Variants in ASCC1 observed in about 807,000 individuals in gnomAD.
ASCC1 encodes the protein activating signal cointegrator 1 complex subunit 1.
A neutral mutation model predicts 46.6 loss-of-function variants in ASCC1; 35 were observed. That is an observed-to-expected ratio of 0.75 (90% CI 0.57 to 0.99). ASCC1 has a LOEUF of 0.99. Ranked by LOEUF, ASCC1 falls within the 50% of genes least tolerant of loss-of-function variation. The pLI is 0.00. For synonymous variants in ASCC1, 143 were observed against 146.6 expected (o/e 0.98, Z 0.18); for missense variants, 376 against 428.7 (o/e 0.88, Z 1.09).
At chr10:72,178,807 G>C (rs1444668332) in intron 5 of ASCC1, among the ~76,000 whole-genome samples, 4 of 152,040 alleles carry the variant, frequency 2.6e-5, no homozygotes, top group Non-Finnish European at 5.9e-5. Flanking sequence ...ACTATAACCT[G>C]ATATTTCAAC....
At chr10:72,098,696 A>C (rs3780944) in intron 9 of ASCC1, among the ~76,000 whole-genome samples, 13,573 of 152,306 alleles carry the variant, frequency 0.089, 816 homozygotes, top group African/African-American at 0.17. Flanking sequence ...CTGAGGGTTC[A>C]TTAAAGGCTA....
chr10:72,216,342 G>A (rs567128943), upstream of ASCC1: 8 of 173,184 alleles, frequency 4.6e-5, no homozygotes, highest in Admixed American at 1.1e-4. Context: ...TGCGCAGTGG[G>A]ACAGCGCCGA....
In ASCC1 at chr10:72,196,896, T is replaced by C. The variant is rs1235078007; in HGVS notation, c.404A>G (p.His135Arg). 3 of 1,613,522 alleles carry C rather than the reference T, an allele frequency of 1.9e-6. No individual in the cohort carries two copies. Among genetic ancestry groups the C allele is most frequent in the Non-Finnish European group, 1.7e-6 (2 of 1,179,990 alleles). ...DTFRRKQPFT[H>R]FLAFFLNEVE... ...TTCATTGAGGAAAAAGGCAAGGAAG[T>C]GAGTGAAGGGCTGCTTTCTTCGAAA... Residue 135 changes from histidine to arginine, a missense_variant, in exon 5 of 10, where the codon CAC (histidine) becomes CGC (arginine). His to Arg is a conservative substitution (Grantham distance 29). Transcript: ENST00000672957.
intron 2 of ASCC1, among the ~76,000 whole-genome samples, chr10:72,211,194 G>A (rs541890131): frequency 6.6e-6 from 1 of 152,314 alleles, no homozygotes; most frequent in African/African-American, 2.4e-5. Flanking sequence ...ATGAGACAGA[G>A]AGACCACATT....
intron 1 of ASCC1, among the ~76,000 whole-genome samples, chr10:72,215,607 T>TA (rs927229916): frequency 8.7e-5 from 13 of 149,154 alleles, no homozygotes; most frequent in Admixed American, 1.3e-4. Flanking sequence ...AGGAAAAGCT[T>TA]AAAAAAAAAA....
chr10:72,146,869 G>C (rs187808125), intron 7 of ASCC1, among the ~76,000 whole-genome samples: 1 of 151,978 alleles, frequency 6.6e-6, no homozygotes, highest in Non-Finnish European at 1.5e-5. Flanking sequence ...AAAGTTAAGT[G>C]CTTGTATCTT....
intron 9 of ASCC1, among the ~76,000 whole-genome samples, chr10:72,109,986 C>A (rs1002019687): frequency 6.6e-6 from 1 of 152,224 alleles, no homozygotes; most frequent in African/African-American, 2.4e-5. Context: ...CCCAAAGAAG[C>A]CTTGCCACAG....
intron 5 of ASCC1, among the ~76,000 whole-genome samples, chr10:72,188,999 T>C (rs1467881173): frequency 6.6e-6 from 1 of 151,820 alleles, no homozygotes; most frequent in Non-Finnish European, 1.5e-5. Context: ...CAAGCAATCC[T>C]CCAGCCTCGG....
chr10:72,117,505 T>G (rs1843632071), intron 9 of ASCC1, among the ~76,000 whole-genome samples: 1 of 152,226 alleles, frequency 6.6e-6, no homozygotes, highest in Admixed American at 6.5e-5. Context: ...TATTTTCCCC[T>G]CATATTTTCT....
intron 7 of ASCC1, among the ~76,000 whole-genome samples, chr10:72,149,952 G>A (rs573566163): frequency 3.9e-5 from 6 of 152,206 alleles, no homozygotes; most frequent in Admixed American, 1.3e-4. Context: ...TTGGGAGGCC[G>A]AGGCAGGTGG....
intron 9 of ASCC1, among the ~76,000 whole-genome samples, chr10:72,124,177 G>A (rs1844561395): frequency 6.6e-6 from 1 of 152,150 alleles, no homozygotes; most frequent in Admixed American, 6.5e-5. Context: ...TCAGGGGAAA[G>A]TATTTAAAAT....
chr10:72,215,868 GAGAAGGAGA>G (rs529018977), intron 1 of ASCC1: 3 of 152,442 alleles, frequency 2.0e-5, no homozygotes, highest in Non-Finnish European at 2.9e-5. Flanking sequence ...AATCATCAAA[GAGAAGGAGA>G]AGAGGACTAG....
intron 6 of ASCC1, among the ~76,000 whole-genome samples, chr10:72,160,238 T>A (rs535822250): frequency 2.0e-5 from 3 of 152,136 alleles, no homozygotes; most frequent in African/African-American, 7.2e-5. Context: ...TAGAGAAAAA[T>A]TTTAGATCCT....
chr10:72,148,628 G>A (rs1489580836), intron 7 of ASCC1, among the ~76,000 whole-genome samples: 1 of 152,192 alleles, frequency 6.6e-6, no homozygotes, highest in East Asian at 1.9e-4. Flanking sequence ...AAATTTTGAT[G>A]AAATTGGTAG....
At chr10:72,146,546 G>A (rs1414222780) in intron 7 of ASCC1, among the ~76,000 whole-genome samples, 2 of 152,162 alleles carry the variant, frequency 1.3e-5, no homozygotes, top group African/African-American at 2.4e-5. Context: ...TCTTTTGAGA[G>A]GGACAAGGGA....
chr10:72,167,630 G>A (rs969702755), intron 5 of ASCC1, among the ~76,000 whole-genome samples: 17 of 149,490 alleles, frequency 1.1e-4, no homozygotes, highest in African/African-American at 3.7e-4. Context: ...AATAAGTTGT[G>A]TCTATGTCTT....
chr10:72,102,912 T>C (rs759671910), intron 9 of ASCC1: 1 of 433,070 alleles, frequency 2.3e-6, no homozygotes, highest in South Asian at 1.6e-5. Context: ...GAGGCACAGG[T>C]TGCAGTGAGC....
At chr10:72,182,589 G>A (rs1156347115) in intron 5 of ASCC1, among the ~76,000 whole-genome samples, 2 of 152,078 alleles carry the variant, frequency 1.3e-5, no homozygotes, top group Non-Finnish European at 2.9e-5. Context: ...AAGGAAAAAA[G>A]TCTAAAGAGG....
chr10:72,147,714 T>C (rs987817532), intron 7 of ASCC1, among the ~76,000 whole-genome samples: 1 of 152,228 alleles, frequency 6.6e-6, no homozygotes, highest in South Asian at 2.1e-4. Context: ...TGAACTTCCC[T>C]GATCTATAAA....
Sources: gnomAD v4.1 joint callset for allele counts (sites outside exome capture counted in the v4.1 genomes callset) on GRCh38, gnomAD v4.1.1 for gene constraint, MANE v1.5 for transcripts, NCBI Gene and HGNC (gene_info 2026-07-23, HGNC 2026-07-21) for gene names.